Variants in DOK6 observed in about 807,000 individuals in gnomAD.
DOK6 encodes the protein docking protein 6.
A neutral mutation model predicts 44.0 loss-of-function variants in DOK6; 22 were observed. That is an observed-to-expected ratio of 0.50 (90% CI 0.36 to 0.71). DOK6 has a LOEUF of 0.71. Among genes scored for constraint, DOK6 ranks in the 30% least tolerant of loss-of-function variants. The probability of loss-of-function intolerance (pLI) is 0.00; values close to 1 mark genes in which losing one functional copy is unlikely to be tolerated. For synonymous variants in DOK6, 166 were observed against 145.5 expected (o/e 1.14, Z -1.01); for missense variants, 340 against 416.4 (o/e 0.82, Z 1.60).
At chr18:69,757,134 CCA>C (rs1331257743) in intron 6 of DOK6, among the ~76,000 whole-genome samples, 5 of 152,284 alleles carry the variant, frequency 3.3e-5, no homozygotes, top group African/African-American at 9.6e-5. Flanking sequence ...AACAAACATG[CCA>C]CAGTTTTATC....
At chr18:69,788,469 T>C (rs966008579) in intron 7 of DOK6, among the ~76,000 whole-genome samples, 2 of 152,196 alleles carry the variant, frequency 1.3e-5, no homozygotes, top group Non-Finnish European at 2.9e-5. Context: ...ATTTTTATTA[T>C]GCAGAATGGA....
chr18:69,563,765 C>T (rs954627693), intron 1 of DOK6, among the ~76,000 whole-genome samples: 3 of 151,516 alleles, frequency 2.0e-5, no homozygotes, highest in African/African-American at 4.9e-5. Flanking sequence ...ACAAACCTGC[C>T]CATTGTGCGC....
At chr18:69,759,475 C>T (rs1375566894) in intron 7 of DOK6, among the ~76,000 whole-genome samples, 3 of 151,952 alleles carry the variant, frequency 2.0e-5, no homozygotes, top group Non-Finnish European at 2.9e-5. Context: ...ATACAAAAAA[C>T]GTGGGAATAG....
At chr18:69,676,334 C>T (rs1192429390) in intron 3 of DOK6, among the ~76,000 whole-genome samples, 1 of 152,134 alleles carries the variant, frequency 6.6e-6, no homozygotes, top group East Asian at 1.9e-4. Context: ...ATAAATTTGT[C>T]TTCACATCTC....
intron 2 of DOK6, 25 bp from the exon 3 acceptor site, chr18:69,599,359 A>C: frequency 6.4e-7 from 1 of 1,556,196 alleles, no homozygotes; most frequent in Non-Finnish European, 8.8e-7. Context: ...CTGTACACTA[A>C]GTTAAATATA....
At chr18:69,754,285 C>T (rs767445192) in intron 6 of DOK6, among the ~76,000 whole-genome samples, 5 of 143,786 alleles carry the variant, frequency 3.5e-5, no homozygotes, top group African/African-American at 5.1e-5. Context: ...GCTTGGGAGG[C>T]GGAGATTGCA....
chr18:69,660,174 T>C (rs1379381533), intron 3 of DOK6: 2 of 152,030 alleles, frequency 1.3e-5, no homozygotes, highest in African/African-American at 4.8e-5. Flanking sequence ...AAGGCCACTT[T>C]TCACGCTTTT....
intron 3 of DOK6, among the ~76,000 whole-genome samples, chr18:69,672,713 G>GC (rs1985833501): frequency 6.7e-6 from 1 of 150,236 alleles, no homozygotes; most frequent in Non-Finnish European, 1.5e-5. Flanking sequence ...AAAAAGGGGG[G>GC]GGTGGGGGCG....
At chr18:69,550,677 C>T (rs2144588137) in intron 1 of DOK6, among the ~76,000 whole-genome samples, 1 of 151,848 alleles carries the variant, frequency 6.6e-6, no homozygotes, top group Non-Finnish European at 1.5e-5. Flanking sequence ...TATTTTACTT[C>T]ATGTATATGA....
chr18:69,480,211 T>A (rs187406294), intron 1 of DOK6, among the ~76,000 whole-genome samples: 27 of 151,298 alleles, frequency 1.8e-4, no homozygotes, highest in African/African-American at 6.3e-4. Flanking sequence ...ATGGACTCTA[T>A]CATTTTAAAT....
intron 1 of DOK6, among the ~76,000 whole-genome samples, chr18:69,554,416 G>T (rs1303673806): frequency 9.2e-5 from 14 of 152,140 alleles, no homozygotes. Flanking sequence ...GGAATTTATA[G>T]AAATAATCCT....
chr18:69,606,389 A>C (rs1259931781), intron 3 of DOK6, among the ~76,000 whole-genome samples: 1 of 152,072 alleles, frequency 6.6e-6, no homozygotes, highest in African/African-American at 2.4e-5. Context: ...AATACGTATA[A>C]AAGGAACAAA....
intron 7 of DOK6, among the ~76,000 whole-genome samples, chr18:69,813,527 A>G (rs2085208035): frequency 6.6e-6 from 1 of 152,148 alleles, no homozygotes; most frequent in African/African-American, 2.4e-5. Flanking sequence ...AAATAAATAA[A>G]TTAGGAGAAA....
intron 1 of DOK6, among the ~76,000 whole-genome samples, chr18:69,543,594 T>C (rs1219662362): frequency 6.6e-6 from 1 of 151,606 alleles, no homozygotes; most frequent in Non-Finnish European, 1.5e-5. Context: ...CATTAATATC[T>C]TGCTTAAGGC....
chr18:69,734,671 A>G (rs987282212), intron 5 of DOK6, among the ~76,000 whole-genome samples: 2 of 152,198 alleles, frequency 1.3e-5, no homozygotes, highest in African/African-American at 4.8e-5. Context: ...AAATATGTAC[A>G]CAATATTGCA....
At chr18:69,690,944 G>T (rs1169647013) in intron 4 of DOK6, among the ~76,000 whole-genome samples, 2 of 152,108 alleles carry the variant, frequency 1.3e-5, no homozygotes, top group African/African-American at 4.8e-5. Flanking sequence ...ACTTTGGGAG[G>T]CCGAGACAGG....
intron 1 of DOK6, among the ~76,000 whole-genome samples, chr18:69,519,249 C>T (rs1054436722): frequency 1.3e-5 from 2 of 151,934 alleles, no homozygotes; most frequent in African/African-American, 4.8e-5. Flanking sequence ...CAAATTTTGA[C>T]AGAGTGTATA....
chr18:69,848,241 T>C lies in DOK6; in HGVS notation c.*6858T>C, dbSNP rs955091370. ...TTATTTAATTAATTTATATATACTTTGTGAAGTCTTATACTGTACATCATA... is the reference window on the plus strand; with the variant it reads ...TTATTTAATTAATTTATATATACTTCGTGAAGTCTTATACTGTACATCATA... On this transcript the variant is annotated 3_prime_UTR_variant, in exon 8 of 8. Transcript: ENST00000382713. 5 of 152,208 alleles carry C rather than the reference T, an allele frequency of 3.3e-5. No homozygotes were observed. Among genetic ancestry groups the C allele is most frequent in the Non-Finnish European group, 4.4e-5 (3 of 68,030 alleles). 9.4% of individuals were successfully genotyped at this position (152,208 alleles called of 1,614,324 possible).
At chr18:69,523,585 T>A (rs770298247) in intron 1 of DOK6, among the ~76,000 whole-genome samples, 9 of 152,092 alleles carry the variant, frequency 5.9e-5, no homozygotes, top group Non-Finnish European at 1.3e-4. Context: ...AAATGTTTAT[T>A]CAATGGTTAA....
Sources: gnomAD v4.1 joint callset for allele counts (sites outside exome capture counted in the v4.1 genomes callset) on GRCh38, gnomAD v4.1.1 for gene constraint, MANE v1.5 for transcripts, NCBI Gene and HGNC (gene_info 2026-07-23, HGNC 2026-07-21) for gene names.